Variants in CDH6 observed in about 807,000 individuals in gnomAD.
CDH6 encodes the protein cadherin 6.
Under a neutral mutation model 78.0 loss-of-function variants are expected in CDH6, and 31 were observed. The observed-to-expected ratio is 0.40, with a 90% confidence interval of 0.30 to 0.54. CDH6 has a LOEUF of 0.54. Among genes scored for constraint, CDH6 ranks in the 20% least tolerant of loss-of-function variants. The pLI is 0.56. For missense variants in CDH6, 724 were observed against 975.9 expected (o/e 0.74, Z 3.44); for synonymous variants, 376 against 368.8 (o/e 1.02, Z -0.23).
chr5:31,261,529 G>A (rs1232023277), intron 1 of CDH6, among the ~76,000 whole-genome samples: 1 of 152,110 alleles, frequency 6.6e-6, no homozygotes, highest in Non-Finnish European at 1.5e-5. Context: ...TTTATCTGAA[G>A]AAACAATTCA....
chr5:31,202,154 T>C (rs1192644536), intron 1 of CDH6, among the ~76,000 whole-genome samples: 3 of 152,190 alleles, frequency 2.0e-5, no homozygotes, highest in Non-Finnish European at 4.4e-5. Flanking sequence ...TAGACAAAAA[T>C]TTACTAACAT....
intron 2 of CDH6, among the ~76,000 whole-genome samples, chr5:31,271,925 G>A (rs1444390596): frequency 6.6e-6 from 1 of 152,122 alleles, no homozygotes; most frequent in Non-Finnish European, 1.5e-5. Context: ...GATTTAGTTG[G>A]TTTTTAATTA....
chr5:31,226,577 C>T (rs990018210), intron 1 of CDH6, among the ~76,000 whole-genome samples: 1 of 152,154 alleles, frequency 6.6e-6, no homozygotes, highest in African/African-American at 2.4e-5. Context: ...GGTTGTGCGA[C>T]TTGGCCATGT....
At chr5:31,253,646 T>C (rs1181694079) in intron 1 of CDH6, among the ~76,000 whole-genome samples, 1 of 152,136 alleles carries the variant, frequency 6.6e-6, no homozygotes, top group Admixed American at 6.5e-5. Context: ...TACCATCACA[T>C]TGGGGATTAG....
intron 7 of CDH6, among the ~76,000 whole-genome samples, chr5:31,306,749 C>T (rs572883710): frequency 4.6e-5 from 7 of 152,206 alleles, no homozygotes; most frequent in Admixed American, 3.3e-4. Flanking sequence ...ATGAAGCTTA[C>T]ATTCTAATTG....
At chr5:31,303,620 G>A (rs997095495) in intron 6 of CDH6, among the ~76,000 whole-genome samples, 1 of 152,088 alleles carries the variant, frequency 6.6e-6, no homozygotes, top group African/African-American at 2.4e-5. Flanking sequence ...TATGCTTCAA[G>A]ACTAAAAATA....
At chr5:31,249,135 T>C (rs891979332) in intron 1 of CDH6, 1 of 152,192 alleles carries the variant, frequency 6.6e-6, no homozygotes. Context: ...ATACATGCAA[T>C]TTTATATATT....
intron 11 of CDH6, chr5:31,318,178 T>C: frequency 1.7e-6 from 1 of 596,172 alleles, no homozygotes; most frequent in East Asian, 2.8e-5. Flanking sequence ...TCTATCAGAC[T>C]GGGAATGAAT....
chr5:31,324,368 G>C lies in CDH6; in HGVS notation c.*1060G>C. On this transcript the variant is annotated 3_prime_UTR_variant, in exon 12 of 12. Transcript: ENST00000265071. ...AATCTCACTCTAGGAGTTCAGTGGA[G>C]AGGTTAGAGCCAGCCACACTTGAAC... 4.7e-6 allele frequency: 1 copy of C among 214,978 alleles called. No homozygotes were observed. 13.3% of individuals were successfully genotyped at this position (214,978 alleles called of 1,614,324 possible).
At chr5:31,252,064 T>C (rs1388724467) in intron 1 of CDH6, among the ~76,000 whole-genome samples, 2 of 152,228 alleles carry the variant, frequency 1.3e-5, no homozygotes, top group Non-Finnish European at 2.9e-5. Context: ...ATTCTTTGCA[T>C]CTTAATTAAT....
intron 11 of CDH6, chr5:31,318,251 T>G: frequency 1.8e-6 from 1 of 570,800 alleles, no homozygotes; most frequent in Middle Eastern, 4.6e-4. Context: ...GTAATTTTTT[T>G]ACTTGGAAAA....
intron 2 of CDH6, among the ~76,000 whole-genome samples, chr5:31,289,563 T>C (rs898570487): frequency 6.6e-6 from 1 of 152,194 alleles, no homozygotes; most frequent in Non-Finnish European, 1.5e-5. Context: ...CTGTTTTCCA[T>C]AGAGATTGAA....
At chr5:31,195,308 T>C (rs1424829747) in intron 1 of CDH6, among the ~76,000 whole-genome samples, 1 of 152,164 alleles carries the variant, frequency 6.6e-6, no homozygotes, top group African/African-American at 2.4e-5. Context: ...TCCAGGGGGT[T>C]GCAAACTCCT....
At chr5:31,206,330 AATACAGTT>A (rs532618816) in intron 1 of CDH6, among the ~76,000 whole-genome samples, 59 of 152,304 alleles carry the variant, frequency 3.9e-4, no homozygotes, top group Admixed American at 1.4e-3. Flanking sequence ...AAGGCTTAAA[AATACAGTT>A]AGAAAGGAAA....
chr5:31,264,200 A>G (rs995121921), intron 1 of CDH6, among the ~76,000 whole-genome samples: 2 of 152,244 alleles, frequency 1.3e-5, no homozygotes, highest in African/African-American at 4.8e-5. Context: ...GAAAATTTTG[A>G]CTTGCTTAGA....
At chr5:31,269,602 A>C (rs1579868112) in intron 2 of CDH6, among the ~76,000 whole-genome samples, 1 of 45,250 alleles carries the variant, frequency 2.2e-5, no homozygotes, top group South Asian at 5.3e-4. Context: ...TATTATTGGT[A>C]AAAAATCCGT....
intron 1 of CDH6, among the ~76,000 whole-genome samples, chr5:31,223,176 T>C (rs1741049271): frequency 6.6e-6 from 1 of 152,164 alleles, no homozygotes; most frequent in African/African-American, 2.4e-5. Context: ...ATCTTTATCT[T>C]TAGAGTAGTA....
chr5:31,248,741 A>G (rs1354511897), intron 1 of CDH6, among the ~76,000 whole-genome samples: 15 of 152,148 alleles, frequency 9.9e-5, no homozygotes, highest in Admixed American at 9.8e-4. Flanking sequence ...ACACACACAC[A>G]CACACAATTA....
At chr5:31,315,053 C>T (rs971390135) in intron 8 of CDH6, among the ~76,000 whole-genome samples, 6 of 152,154 alleles carry the variant, frequency 3.9e-5, no homozygotes, top group African/African-American at 1.2e-4. Context: ...TATACTGATT[C>T]CTCGACCTGA....
Sources: gnomAD v4.1 joint callset for allele counts (sites outside exome capture counted in the v4.1 genomes callset) on GRCh38, gnomAD v4.1.1 for gene constraint, MANE v1.5 for transcripts, NCBI Gene and HGNC (gene_info 2026-07-23, HGNC 2026-07-21) for gene names.